RPP30: variants seen among roughly 807,000 people sequenced by gnomAD.
The protein encoded by RPP30 is ribonuclease P/MRP subunit p30.
In RPP30, 36 loss-of-function variants were observed where a neutral mutation model predicts 38.6. That is an observed-to-expected ratio of 0.93 (90% CI 0.71 to 1.23). The LOEUF is 1.23. RPP30 is among the 50% of genes most tolerant of loss of function. The pLI is 0.00. For missense variants in RPP30, 321 were observed against 321.7 expected, an observed-to-expected ratio of 1.00 and a Z score of 0.02; for synonymous variants, 126 against 112.7, an observed-to-expected ratio of 1.12 and a Z score of -0.75.
intron 10 of RPP30, among the ~76,000 whole-genome samples, chr10:90,898,074 G>GC (rs1186586331): frequency 4.0e-5 from 6 of 151,786 alleles, no homozygotes; most frequent in Non-Finnish European, 5.9e-5. Flanking sequence ...CTCCCTCTCA[G>GC]CCCCCCACTA....
rs1315901772 is a variant in RPP30 at position 90,882,013 on chromosome 10, A to G, written c.342+2879A>G. Among the ~76,000 whole-genome samples, 8 of 152,284 alleles carry G rather than the reference A, an allele frequency of 5.3e-5. No individual in the cohort carries two copies. The East Asian group carries it at 5.8e-4, about 11-fold the overall frequency. On this transcript the variant is annotated intron_variant, in intron 5 of 10. Transcript: ENST00000371703. ...GATGTCTCATAGAAACTCCCTCTCC[A>G]TAGCTACTTAAGGAGATAAGGCAGA...
At position 90,894,806 on chromosome 10, in the gene RPP30, T is replaced by A. The variant is rs761961036; in HGVS notation, c.464T>A (p.Val155Asp). The A allele has an allele frequency of 2.4e-5, 39 of 1,613,446 alleles. No individual in the cohort carries two copies. In the South Asian group the frequency reaches 4.3e-4, roughly 18 times the overall value. The change falls in exon 7 of 11, where the codon GTC becomes GAC. Residue 155 changes from valine (V) to aspartate (D), a missense_variant. Transcript: ENST00000371703. Reference sequence around the variant, plus strand: ...GACCGAGGCCTGGCTTTTGAACTTGTCTATAGCCCTGCTATCAAAGACTCC... The same window carrying A: ...GACCGAGGCCTGGCTTTTGAACTTGACTATAGCCCTGCTATCAAAGACTCC... Reference protein sequence around the residue: ...AIDRGLAFELVYSPAIKDSTM... With the variant: ...AIDRGLAFELDYSPAIKDSTM...
Position 90,901,721 on chromosome 10 carries a change from A to G in RPP30, c.*1042A>G. 5.1e-6 allele frequency: 5 copies of G among 983,714 alleles called. No individual in the cohort carries two copies. The highest frequency in any genetic ancestry group is 6.0e-6 in the Non-Finnish European group (5 of 828,364). The allele number at this position is 983,714 out of a possible 1,614,324, so 60.9% of individuals were successfully genotyped here. On this transcript the variant is annotated 3_prime_UTR_variant, in exon 11 of 11. Coordinates refer to ENST00000371703, the MANE Select transcript of RPP30 (RefSeq NM_006413.5). ...ACATGCATTTATGCAATATTAATGT[A>G]AGGGCTCTAAAACAATGGAGTAGAG...
chr10:90,904,037 A>G (rs569267383), downstream of RPP30, among the ~76,000 whole-genome samples: 4 of 152,314 alleles, frequency 2.6e-5, no homozygotes, highest in African/African-American at 9.6e-5. Context: ...TTTCTTGTTT[A>G]TGTATTTGGT....
At chr10:90,882,172 T>A (rs906222141) in intron 5 of RPP30, among the ~76,000 whole-genome samples, 2 of 152,194 alleles carry the variant, frequency 1.3e-5, no homozygotes, top group African/African-American at 4.8e-5. Flanking sequence ...CATTTAGGAT[T>A]TAAAGCAGCT....
chr10:90,881,469 G>C (rs970486890), intron 5 of RPP30, among the ~76,000 whole-genome samples: 1 of 152,134 alleles, frequency 6.6e-6, no homozygotes, highest in African/African-American at 2.4e-5. Flanking sequence ...GATAGTAGAT[G>C]GGCCTGTCAA....
chr10:90,901,599 G>A lies in RPP30; in HGVS notation c.*920G>A. On this transcript the variant is annotated 3_prime_UTR_variant, in exon 11 of 11. Transcript: ENST00000371703. ...GCTAATATTGATTTTCCTGATAGCT[G>A]TATTAAAAATAGCAAAGCATCGGAC... 1.0e-6 allele frequency: 1 copy of A among 984,854 alleles called. No individual in the cohort carries two copies. 61.0% of individuals were successfully genotyped at this position (984,854 alleles called of 1,614,324 possible).
Position 90,902,133 on chromosome 10 carries a change from A to T in RPP30, c.*1454A>T. On this transcript the variant is annotated 3_prime_UTR_variant, in exon 11 of 11. Transcript: ENST00000371703. ...AGTTTTAAAAAGAGAAAGCTTTATA[A>T]CCTCACCAATGAATACAAATGTTTA... is the stretch of plus-strand genomic sequence containing the variant. The T allele has an allele frequency of 1.0e-6, 1 of 993,186 alleles. No individual in the cohort carries two copies. The highest frequency in any genetic ancestry group is 1.2e-6 in the Non-Finnish European group (1 of 834,008). The allele number at this position is 993,186 out of a possible 1,614,324, so 61.5% of individuals were successfully genotyped here. A position where few individuals can be genotyped will look rare whatever the true frequency, so the allele number is the denominator to read the frequency against.
intron 7 of RPP30, 130 bp downstream of exon 7, chr10:90,895,021 T>G: frequency 1.3e-6 from 1 of 771,252 alleles, no homozygotes; most frequent in Non-Finnish European, 2.3e-6. Flanking sequence ...AATTCTGCCA[T>G]TTCAGTGAGC....
rs1375366847 is a variant in RPP30, at chr10:90,902,098, G to C, written c.*1419G>C. 4 of 987,916 alleles carry C rather than the reference G, an allele frequency of 4.0e-6. No individual in the cohort carries two copies. The highest frequency in any genetic ancestry group is 4.8e-6 in the Non-Finnish European group (4 of 831,422). The allele number at this position is 987,916 out of a possible 1,614,324, so 61.2% of individuals were successfully genotyped here. A position where few individuals can be genotyped will look rare whatever the true frequency, so the allele number is the denominator to read the frequency against. On this transcript the variant is annotated 3_prime_UTR_variant, in exon 11 of 11. Transcript: ENST00000371703. ...AGGCGTTAGCCACTGCGCCCGGCCC[G>C]AGAAAATACAGTTTTAAAAAGAGAA...
rs1219329047 is a variant in RPP30 at position 90,879,136 on chromosome 10, T to C, written c.342+2T>C. On this transcript the variant is annotated splice_donor_variant, in intron 5 of 10. Transcript: ENST00000371703. LOFTEE classifies it high-confidence loss of function. The stretch of plus-strand genomic sequence containing the variant: ...CCAAAGACAGAAAAGCTTTTTCATG[T>C]GAGTAACAGATAAGTAAAAGAAAGT... 7.5e-6 allele frequency: 12 copies of C among 1,610,640 alleles called. No individual in the cohort carries two copies. The highest frequency in any genetic ancestry group is 1.0e-5 in the Non-Finnish European group (12 of 1,176,978).
chr10:90,871,979 A>T lies in RPP30; in HGVS notation c.-8A>T, dbSNP rs200128377. On this transcript the variant is annotated 5_prime_UTR_variant, in exon 1 of 11. Coordinates refer to ENST00000371703, the MANE Select transcript of RPP30 (RefSeq NM_006413.5). ...ACTGGCGCGCGCGGACGGTCATGGG[A>T]CTTCAGCATGGCGGTGTTTGCAGAT... is the stretch of plus-strand genomic sequence containing the variant. 1,444 of 1,613,528 alleles carry T rather than the reference A, an allele frequency of 8.9e-4. 11 individuals carry two copies. In the African/African-American group the frequency reaches 0.017, roughly 19 times the overall value.
At chr10:90,877,166 G>A (rs1272326916) in intron 4 of RPP30, among the ~76,000 whole-genome samples, 2 of 152,132 alleles carry the variant, frequency 1.3e-5, no homozygotes, top group Non-Finnish European at 2.9e-5. Context: ...CCAAAAATTA[G>A]CAGGCCGTGC....
chr10:90,906,992 A>G (rs1208710442), downstream of RPP30, among the ~76,000 whole-genome samples: 1 of 152,218 alleles, frequency 6.6e-6, no homozygotes, highest in Non-Finnish European at 1.5e-5. Flanking sequence ...AGCAGAAATA[A>G]CTAAGAGTTG....
rs1252221677 is a variant in RPP30, at chr10:90,896,518, T to TA, written c.697+129dup. ...GGGATCATCTTTTCTCAACCTGTTC[T>TA]AAACACAGTCATCAGTGTTTTCTCA... On this transcript the variant is annotated intron_variant, in intron 10 of 10. Transcript: ENST00000371703. 9.0e-5 allele frequency: 60 copies of TA among 666,598 alleles called. No individual in the cohort carries two copies. The African/African-American group carries it at 1.1e-3, about 12-fold the overall frequency. 41.3% of individuals were successfully genotyped at this position (666,598 alleles called of 1,614,324 possible). A position where few individuals can be genotyped will look rare whatever the true frequency, so the allele number is the denominator to read the frequency against.
intron 4 of RPP30, 147 bp from the exon 5 acceptor site, chr10:90,878,915 CT>C: frequency 3.2e-6 from 2 of 623,924 alleles, no homozygotes; most frequent in Non-Finnish European, 5.6e-6. Context: ...GTGCTTATGT[CT>C]TTTCTGCCAA....
At chr10:90,906,642 A>T (rs573609984), downstream of RPP30, among the ~76,000 whole-genome samples, 1 of 152,294 alleles carries the variant, frequency 6.6e-6, no homozygotes, top group South Asian at 2.1e-4. Context: ...CCAGGAGCCT[A>T]GGAGGGCTAT....
chr10:90,886,135 T>G (rs1846997427), intron 6 of RPP30, among the ~76,000 whole-genome samples: 1 of 152,108 alleles, frequency 6.6e-6, no homozygotes, highest in African/African-American at 2.4e-5. Flanking sequence ...GAACCCAAAA[T>G]TTATAAAGGA....
intron 10 of RPP30, 69 bp downstream of exon 10, chr10:90,896,461 A>G (rs1461196430): frequency 4.1e-6 from 5 of 1,217,086 alleles, no homozygotes; most frequent in Non-Finnish European, 6.1e-6. Flanking sequence ...AGCCATACCT[A>G]TTTTTATTGC....
Sources: allele counts gnomAD v4.1 joint callset (sites outside exome capture counted in the v4.1 genomes callset), GRCh38; gene constraint gnomAD v4.1.1; transcripts MANE v1.5; gene names NCBI Gene and HGNC (gene_info 2026-07-23, HGNC 2026-07-21).